Variants in CHRM5 observed in about 807,000 individuals in gnomAD.
The protein encoded by CHRM5 is muscarinic acetylcholine receptor M5.
Under a neutral mutation model 39.0 loss-of-function variants are expected in CHRM5, and 18 were observed. The ratio of observed to expected loss-of-function variants is 0.46; its 90% CI spans 0.32 to 0.68. The LOEUF (loss-of-function observed/expected upper bound fraction) is 0.68. CHRM5 is among the 30% of genes least tolerant of loss of function. The pLI, the probability that CHRM5 is intolerant of heterozygous loss-of-function variation, is 0.04. For synonymous variants in CHRM5, 241 were observed against 246.3 expected, an observed-to-expected ratio of 0.98 and a Z score of 0.20; for missense variants, 515 against 651.1, an observed-to-expected ratio of 0.79 and a Z score of 2.28.
At chr15:34,010,247 C>A (rs1422551616) in intron 1 of CHRM5, among the ~76,000 whole-genome samples, 1 of 152,144 alleles carries the variant, frequency 6.6e-6, no homozygotes, top group Non-Finnish European at 1.5e-5. Flanking sequence ...TTATAATCTG[C>A]TTAATTTAAC....
chr15:34,015,652 C>G (rs2140685323), intron 1 of CHRM5, among the ~76,000 whole-genome samples: 1 of 152,130 alleles, frequency 6.6e-6, no homozygotes, highest in Non-Finnish European at 1.5e-5. Context: ...CAGTCTTGCT[C>G]AGAAACAGCA....
intron 1 of CHRM5, among the ~76,000 whole-genome samples, chr15:34,012,248 C>T (rs1210591466): frequency 6.6e-6 from 1 of 150,678 alleles, no homozygotes; most frequent in Non-Finnish European, 1.5e-5. Flanking sequence ...GAAAAGATAC[C>T]GTTTTGCTTT....
chr15:34,016,727 C>G (rs750089663), intron 1 of CHRM5, among the ~76,000 whole-genome samples: 9 of 152,160 alleles, frequency 5.9e-5, no homozygotes, highest in Non-Finnish European at 1.2e-4. Context: ...GGTGAGTGGT[C>G]CATTTTAAAC....
At chr15:34,043,188 A>G (rs911773950) in intron 1 of CHRM5, among the ~76,000 whole-genome samples, 1 of 151,000 alleles carries the variant, frequency 6.6e-6, no homozygotes, top group African/African-American at 2.4e-5. Flanking sequence ...CAGAGCTTGC[A>G]GTGAGCCGAG....
intron 2 of CHRM5, among the ~76,000 whole-genome samples, chr15:34,055,836 A>G (rs947558704): frequency 2.0e-5 from 3 of 152,160 alleles, no homozygotes; most frequent in Non-Finnish European, 2.9e-5. Flanking sequence ...AAATAAACAA[A>G]TAAATAAAAT....
At chr15:34,013,737 T>C (rs1469785048) in intron 1 of CHRM5, among the ~76,000 whole-genome samples, 1 of 151,376 alleles carries the variant, frequency 6.6e-6, no homozygotes, top group African/African-American at 2.4e-5. Flanking sequence ...ACATCACCAA[T>C]GGGGGAGAAG....
chr15:33,984,629 T>C (rs1490804708), intron 1 of CHRM5, among the ~76,000 whole-genome samples: 1 of 152,182 alleles, frequency 6.6e-6, no homozygotes, highest in Non-Finnish European at 1.5e-5. Flanking sequence ...CTCAAACTCC[T>C]GACCTCAGGT....
chr15:34,028,170 A>G (rs1411090570), intron 1 of CHRM5, among the ~76,000 whole-genome samples: 1 of 152,224 alleles, frequency 6.6e-6, no homozygotes, highest in Non-Finnish European at 1.5e-5. Flanking sequence ...ATGAAGAAAG[A>G]TAATACATAT....
intron 1 of CHRM5, among the ~76,000 whole-genome samples, chr15:34,036,720 C>T (rs965749229): frequency 4.6e-5 from 7 of 152,056 alleles, no homozygotes; most frequent in African/African-American, 1.7e-4. Flanking sequence ...AAGACCAACT[C>T]GACAAAAGAA....
At chr15:34,031,303 T>C (rs1051140127) in intron 1 of CHRM5, among the ~76,000 whole-genome samples, 1 of 149,642 alleles carries the variant, frequency 6.7e-6, no homozygotes, top group Non-Finnish European at 1.5e-5. Context: ...GCCTCCCGAG[T>C]AGCTGGGATT....
chr15:34,003,377 C>A (rs924144278), intron 1 of CHRM5, among the ~76,000 whole-genome samples: 1 of 152,184 alleles, frequency 6.6e-6, no homozygotes. Flanking sequence ...CCAGAGTGTT[C>A]TTTTAGGGTG....
chr15:34,028,059 A>G (rs1898577673), intron 1 of CHRM5, among the ~76,000 whole-genome samples: 1 of 152,186 alleles, frequency 6.6e-6, no homozygotes, highest in Non-Finnish European at 1.5e-5. Flanking sequence ...TAAATTTCCT[A>G]GCAGAGCACT....
rs623941 is a variant in CHRM5 at position 34,060,377 on chromosome 15, G to A, written c.-75-2266G>A. ...CGGTGCAAGACAATATCATCAACTC[G>A]ATTCCATATTGAATTTGAGGTGTTA... On this transcript the variant is annotated intron_variant, in intron 2 of 2. Transcript: ENST00000383263. Among the ~76,000 whole-genome samples the A allele has an allele frequency of 3.5e-3, 537 of 151,964 alleles. 2 individuals are homozygous for A. The highest frequency in any genetic ancestry group is 0.013 in the African/African-American group (527 of 41,398).
rs1052714350 is a variant in CHRM5 at position 34,032,057 on chromosome 15, G to GA, written c.-407-14473dup. 1.4e-4 allele frequency among the ~76,000 whole-genome samples: 19 copies of GA among 140,472 alleles called. 1 individual carries two copies. The highest frequency in any genetic ancestry group is 4.5e-4 in the South Asian group (2 of 4,404). 92.2% of individuals were successfully genotyped at this position (140,472 alleles called of 152,430 possible). A position where few individuals can be genotyped will look rare whatever the true frequency, so the allele number is the denominator to read the frequency against. ...CACACACACAGGGCTTCTAACAAAA[G>GA]AAAAAAAAAATCAAAGAGAACTAAT... is the stretch of plus-strand genomic sequence containing the variant. On this transcript the variant is annotated intron_variant, in intron 1 of 2. Coordinates refer to ENST00000383263, the MANE Select transcript of CHRM5 (RefSeq NM_012125.4).
intron 1 of CHRM5, chr15:34,018,193 G>A (rs1165952097): frequency 1.3e-5 from 2 of 152,262 alleles, no homozygotes; most frequent in African/African-American, 4.8e-5. Context: ...GGAGATGACA[G>A]CTCCATGCAT....
Position 34,006,498 on chromosome 15 carries a change from T to C in CHRM5, c.-408+37348T>C, listed in dbSNP as rs901121398. Among the ~76,000 whole-genome samples, 3 of 152,128 alleles carry C rather than the reference T, an allele frequency of 2.0e-5. No individual in the cohort carries two copies. In the South Asian group the frequency reaches 6.2e-4, roughly 32 times the overall value. On this transcript the variant is annotated intron_variant, in intron 1 of 2. Transcript: ENST00000383263. ...AACCTCTGAACACAGCTGTAACACA[T>C]GGCAAAAATGTAAATCTGGGCAAAA...
At chr15:33,983,138 GTGTGTGTGTGTGTGTGTGTGTA>G (rs1222240519) in intron 1 of CHRM5, among the ~76,000 whole-genome samples, 1 of 125,376 alleles carries the variant, frequency 8.0e-6, no homozygotes, top group African/African-American at 3.5e-5. Flanking sequence ...CTGTGTGTGT[GTGTGTGTGTGTGTGTGTGTGTA>G]TGTGTGTGTG....
chr15:34,026,825 T>C (rs1026813396), intron 1 of CHRM5, among the ~76,000 whole-genome samples: 5 of 152,208 alleles, frequency 3.3e-5, no homozygotes, highest in Admixed American at 6.5e-5. Context: ...CTGCGGTCTT[T>C]TGTTCAACCT....
chr15:34,038,809 C>A, intron 1 of CHRM5: 1 of 1,193,790 alleles, frequency 8.4e-7, no homozygotes, highest in Non-Finnish European at 1.0e-6. Flanking sequence ...CCCCAGCCTC[C>A]CGGCTCCCGG....
Sources: gnomAD v4.1 joint callset for allele counts (sites outside exome capture counted in the v4.1 genomes callset) on GRCh38, gnomAD v4.1.1 for gene constraint, MANE v1.5 for transcripts, NCBI Gene and HGNC (gene_info 2026-07-23, HGNC 2026-07-21) for gene names.